FREM1: variants seen among roughly 807,000 people sequenced by gnomAD.
FREM1 encodes the protein FRAS1-related extracellular matrix protein 1.
A neutral mutation model predicts 210.1 loss-of-function variants in FREM1; 220 were observed. The observed-to-expected ratio is 1.05, with a 90% CI of 0.94 to 1.17. The LOEUF is 1.17. Ranked by LOEUF, FREM1 falls within the 50% of genes most tolerant of loss-of-function variation. The pLI is 0.00. For synonymous variants in FREM1, 1,189 were observed against 980.2 expected (o/e 1.21, Z -3.98); for missense variants, 3,454 against 2,675.5 (o/e 1.29, Z -6.42).
In FREM1 at chr9:14,861,192, T is replaced by C. The variant is rs1409364244; in HGVS notation, c.330-1708A>G. Reference sequence around the variant, plus strand: ...ATGTATGTACATATATACACATATATACATATATACACACATATACATATA... The same window carrying C: ...ATGTATGTACATATATACACATATACACATATATACACACATATACATATA... On this transcript the variant is annotated intron_variant, in intron 3 of 36. Transcript: ENST00000380880. Among the ~76,000 whole-genome samples, 154 of 122,796 alleles carry C rather than the reference T, an allele frequency of 1.3e-3. 20 individuals are homozygous for C. The highest frequency in any genetic ancestry group is 5.3e-3 in the African/African-American group (141 of 26,540). The allele number at this position is 122,796 out of a possible 152,430, so 80.6% of individuals were successfully genotyped here. A position where few individuals can be genotyped will look rare whatever the true frequency, so the allele number is the denominator to read the frequency against.
At chr9:14,779,683 C>G (rs908964525) in intron 24 of FREM1, 1 of 159,318 alleles carries the variant, frequency 6.3e-6, no homozygotes, top group Non-Finnish European at 1.3e-5. Context: ...AGATCGTGAT[C>G]TGCCCACGTT....
intron 1 of FREM1, among the ~76,000 whole-genome samples, chr9:14,906,484 G>C (rs907782884): frequency 1.3e-5 from 2 of 152,058 alleles, no homozygotes; most frequent in East Asian, 3.9e-4. Context: ...GTCTTTCTAA[G>C]GTGTAGGATC....
chr9:14,900,847 T>C (rs891825246), intron 1 of FREM1, among the ~76,000 whole-genome samples: 1 of 152,228 alleles, frequency 6.6e-6, no homozygotes, highest in Non-Finnish European at 1.5e-5. Context: ...TCACAGGCTA[T>C]GGGATTCTTT....
rs923273190 is a variant in FREM1, at chr9:14,842,460, G to A, written c.1594C>T (p.Leu532=). The change falls in exon 9 of 37, where the codon CTG becomes TTG. Residue 532 remains leucine (L), a synonymous_variant. Coordinates refer to ENST00000380880, the MANE Select transcript of FREM1 (RefSeq NM_001379081.2). ...PFLITNVVIE[L]EEGQTILIQG... ...ATCAGGATGGTCTGCCCCTCCTCCA[G>A]TTCAATCACAACATTGGTTATGAGG... 1 of 1,614,022 alleles carries A rather than the reference G, an allele frequency of 6.2e-7. No homozygotes were observed. The highest frequency in any genetic ancestry group is 8.5e-7 in the Non-Finnish European group (1 of 1,179,878).
At chr9:14,865,228 T>C (rs941477948) in intron 2 of FREM1, among the ~76,000 whole-genome samples, 2 of 152,278 alleles carry the variant, frequency 1.3e-5, no homozygotes, top group South Asian at 2.1e-4. Context: ...ATATTTCCTA[T>C]TCAAAAAAGC....
At chr9:14,905,449 C>G (rs993059443) in intron 1 of FREM1, among the ~76,000 whole-genome samples, 2 of 152,154 alleles carry the variant, frequency 1.3e-5, no homozygotes, top group Non-Finnish European at 2.9e-5. Context: ...TGATGCATCT[C>G]CTTATGCATT....
intron 7 of FREM1, among the ~76,000 whole-genome samples, chr9:14,847,176 T>C (rs1220769630): frequency 3.9e-5 from 6 of 152,064 alleles, no homozygotes; most frequent in Non-Finnish European, 8.8e-5. Context: ...CTTCCAACTC[T>C]TACCAGACAC....
chr9:14,750,381 C>A, intron 29 of FREM1, 105 bp from the exon 30 acceptor site: 1 of 829,724 alleles, frequency 1.2e-6, no homozygotes, highest in Non-Finnish European at 1.9e-6. Context: ...TGCAGTAGCC[C>A]GAGTGAGCTA....
intron 7 of FREM1, among the ~76,000 whole-genome samples, chr9:14,848,424 T>C (rs931845492): frequency 6.6e-6 from 1 of 152,198 alleles, no homozygotes; most frequent in Non-Finnish European, 1.5e-5. Flanking sequence ...CCCTTTGTCT[T>C]ATCTCCGGCA....
chr9:14,767,631 G>C (rs1178986845), intron 27 of FREM1, among the ~76,000 whole-genome samples: 1 of 152,064 alleles, frequency 6.6e-6, no homozygotes, highest in African/African-American at 2.4e-5. Flanking sequence ...GTTCTGCCTG[G>C]CTGTCTTGGG....
At chr9:14,743,815 A>G (rs1841963258) in intron 35 of FREM1, among the ~76,000 whole-genome samples, 1 of 152,106 alleles carries the variant, frequency 6.6e-6, no homozygotes, top group African/African-American at 2.4e-5. Context: ...TTTGTTGCAT[A>G]CTGCAATCAT....
intron 11 of FREM1, 63 bp downstream of exon 11, chr9:14,824,733 A>G (rs1588188929): frequency 9.4e-7 from 1 of 1,064,712 alleles, no homozygotes; most frequent in African/African-American, 1.6e-5. Context: ...ATATTGCTCT[A>G]TATTGACACT....
intron 1 of FREM1, among the ~76,000 whole-genome samples, chr9:14,880,543 G>A (rs1321644559): frequency 1.3e-5 from 2 of 150,440 alleles, no homozygotes; most frequent in Non-Finnish European, 2.9e-5. Flanking sequence ...GGCAAAGGGT[G>A]CAGTGGGCCG....
intron 1 of FREM1, among the ~76,000 whole-genome samples, chr9:14,885,750 A>G (rs1215042571): frequency 6.6e-6 from 1 of 152,200 alleles, no homozygotes; most frequent in Non-Finnish European, 1.5e-5. Context: ...CAATATATAC[A>G]TACACTGTTG....
At chr9:14,751,051 G>A (rs1587700911) in intron 29 of FREM1, among the ~76,000 whole-genome samples, 1 of 152,110 alleles carries the variant, frequency 6.6e-6, no homozygotes, top group South Asian at 2.1e-4. Context: ...AAAATATTAA[G>A]ACTGCAAGAA....
In FREM1 at chr9:14,801,692, A is replaced by T. The variant is rs1195419193; in HGVS notation, c.3654T>A (p.His1218Gln). ...CCATGGAAAAGCTGTGAACAGGTGC[A>T]TGTTTCTGGTGAGGGTTGGCTGGCT... The part of the protein sequence containing the change: ...NKQPANPHQK[H>Q]APVHSFSMEL... The change falls in exon 20 of 37, where the codon CAT (histidine) becomes CAA (glutamine). Residue 1218 changes from histidine (H) to glutamine (Q), a missense_variant. His to Gln is a conservative substitution (Grantham distance 24). Transcript: ENST00000380880. 4.3e-6 allele frequency: 7 copies of T among 1,613,844 alleles called. No homozygotes were observed.
chr9:14,793,101 G>A (rs1043869661), intron 21 of FREM1, among the ~76,000 whole-genome samples: 1 of 152,292 alleles, frequency 6.6e-6, no homozygotes, highest in African/African-American at 2.4e-5. Context: ...TAATGAATGT[G>A]GGAAGAGGTA....
At chr9:14,778,830 C>T (rs1054828744) in intron 24 of FREM1, among the ~76,000 whole-genome samples, 2 of 147,384 alleles carry the variant, frequency 1.4e-5, no homozygotes, top group Non-Finnish European at 3.0e-5. Flanking sequence ...AGCGCTCGAG[C>T]TCAGGAGTTT....
chr9:14,809,797 A>C (rs1002556886), intron 16 of FREM1, among the ~76,000 whole-genome samples: 8 of 152,218 alleles, frequency 5.3e-5, no homozygotes, highest in African/African-American at 1.9e-4. Flanking sequence ...AGAATGTCAA[A>C]TGTCAAAAGA....
Sources: allele counts gnomAD v4.1 joint callset (sites outside exome capture counted in the v4.1 genomes callset), GRCh38; gene constraint gnomAD v4.1.1; transcripts MANE v1.5; gene names NCBI Gene and HGNC (gene_info 2026-07-23, HGNC 2026-07-21).